Variants in C2orf81 observed in about 807,000 individuals in gnomAD.
C2orf81 encodes uncharacterized protein C2orf81.
In C2orf81, 5 loss-of-function variants were observed where a neutral mutation model predicts 7.9. The observed-to-expected ratio is 0.63, with a 90% CI of 0.33 to 1.33. C2orf81 has a LOEUF of 1.33. Ranked by LOEUF, C2orf81 falls within the 40% of genes most tolerant of loss-of-function variation. The probability of loss-of-function intolerance (pLI) is 0.05; values close to 1 mark genes in which losing one functional copy is unlikely to be tolerated. For missense variants in C2orf81, 781 were observed against 830.4 expected (o/e 0.94, Z 0.73); for synonymous variants, 346 against 367.4 (o/e 0.94, Z 0.66).
In C2orf81 at chr2:74,416,423, C is replaced by T. The variant is rs1355789984; in HGVS notation, c.19-182G>A. The T allele has an allele frequency of 8.4e-6, 3 of 356,134 alleles. No homozygotes were observed. In the East Asian group the frequency reaches 2.3e-4, roughly 27 times the overall value. 22.1% of individuals were successfully genotyped at this position (356,134 alleles called of 1,614,324 possible). ...TGACCTAATAATTTTCATTAACAGCCCACTAACCACAATTGACAGATAAAG... is the reference window on the plus strand; with the variant it reads ...TGACCTAATAATTTTCATTAACAGCTCACTAACCACAATTGACAGATAAAG... On this transcript the variant is annotated intron_variant, in intron 1 of 2. Transcript: ENST00000684111.
intron 1 of C2orf81, among the ~76,000 whole-genome samples, chr2:74,419,778 G>C (rs1169002765): frequency 6.6e-6 from 1 of 152,008 alleles, no homozygotes. Flanking sequence ...TTGTTTGTTT[G>C]TTTTTGTTTT....
rs1676619045 is a variant in C2orf81, at chr2:74,421,599, A to C, written c.-39T>G. 1 of 429,198 alleles carries C rather than the reference A, an allele frequency of 2.3e-6. No homozygotes were observed. The highest frequency in any genetic ancestry group is 3.6e-5 in the East Asian group (1 of 28,090). 26.6% of individuals were successfully genotyped at this position (429,198 alleles called of 1,614,324 possible). A position where few individuals can be genotyped will look rare whatever the true frequency, so the allele number is the denominator to read the frequency against. ...GCAGCAACGCTGGTGTTTCTGCTGC[A>C]TCCGGGCCGCGTAAGCCACCTAACA... On this transcript the variant is annotated 5_prime_UTR_variant, in exon 1 of 3. An upstream start codon of the reference 5' UTR is lost. Coordinates refer to ENST00000684111, the MANE Select transcript of C2orf81 (RefSeq NM_001316764.3).
Position 74,414,672 on chromosome 2 carries a change from C to T in C2orf81, c.1505G>A (p.Arg502Lys). ...SRSPKLWPSV[R>K]WPSGWEGKAE... Reference sequence around the variant, plus strand: ...CTTCCCCTCCCAACCGCTGGGCCACCTGACACTGGGCCACAGCTTGGGGCT... The same window carrying T: ...CTTCCCCTCCCAACCGCTGGGCCACTTGACACTGGGCCACAGCTTGGGGCT... The change falls in exon 3 of 3, where the codon AGG (arginine) becomes AAG (lysine). Residue 502 changes from arginine (R) to lysine (K), a missense_variant. Arg to Lys is a conservative substitution (Grantham distance 26). Transcript: ENST00000684111. This position sits in a 1 kb window ranked among gnomAD's most constrained non-coding sequence, Gnocchi z 5.3. 1.3e-6 allele frequency: 2 copies of T among 1,548,082 alleles called. No homozygotes were observed. Among genetic ancestry groups the T allele is most frequent in the Non-Finnish European group, 1.7e-6 (2 of 1,144,846 alleles).
At position 74,415,819 on chromosome 2, in the gene C2orf81, A is replaced by ATG. The variant is rs1461501880; in HGVS notation, c.356_357dup (p.Trp120HisfsTer78). On this transcript the variant is annotated frameshift_variant, in exon 3 of 3. Transcript: ENST00000684111. LOFTEE classifies it low-confidence loss of function (END_TRUNC). This position sits in a 1 kb window ranked among gnomAD's most constrained non-coding sequence, Gnocchi z 5.5. ...GCCGAAGGCTCCTCGTCCTCACCCC[A>ATG]TGTGGGGTCCTCAGCTACTGCAGAT... is the stretch of plus-strand genomic sequence containing the variant. 1 of 1,551,530 alleles carries ATG rather than the reference A, an allele frequency of 6.4e-7. No individual in the cohort carries two copies. Among genetic ancestry groups the ATG allele is most frequent in the South Asian group, 1.2e-5 (1 of 84,068 alleles).
At position 74,416,172 on chromosome 2, in the gene C2orf81, C is replaced by T; in HGVS notation, c.88G>A (p.Val30Met). The T allele has an allele frequency of 6.8e-7, 1 of 1,477,396 alleles. No homozygotes were observed. The highest frequency in any genetic ancestry group is 9.1e-7 in the Non-Finnish European group (1 of 1,100,844). The allele number at this position is 1,477,396 out of a possible 1,614,324, so 91.5% of individuals were successfully genotyped here. A position where few individuals can be genotyped will look rare whatever the true frequency, so the allele number is the denominator to read the frequency against. The part of the protein sequence containing the change: ...SKAEKVRPPT[V>M]PVPQVDIVPG... ...ACAATATCCACCTGCGGCACTGGCA[C>T]AGTGGGCGGCCGCACTTTTTCCGCC... Residue 30 changes from valine (V) to methionine (M), a missense_variant, in exon 2 of 3, where the codon GTG (valine) becomes ATG (methionine). By Grantham distance (21) the Val-to-Met change is conservative. Coordinates refer to ENST00000684111, the MANE Select transcript of C2orf81 (RefSeq NM_001316764.3).
Position 74,415,678 on chromosome 2 carries a change from A to G in C2orf81, c.499T>C (p.Ser167Pro). The change falls in exon 3 of 3, where the codon TCT becomes CCT. Residue 167 changes from serine to proline, a missense_variant. Ser to Pro is a moderately conservative substitution (Grantham distance 74). Coordinates refer to ENST00000684111, the MANE Select transcript of C2orf81 (RefSeq NM_001316764.3). This position sits in a 1 kb window ranked among gnomAD's most constrained non-coding sequence, Gnocchi z 5.5. ...VHSSGASPDS[S>P]AIAPALPFPT... ...AAGGGGAGAGCAGGAGCAATGGCAG[A>G]GGAGTCCGGAGAGGCTCCTGAGGAG... 6.4e-7 allele frequency: 1 copy of G among 1,551,366 alleles called. No individual in the cohort carries two copies. The highest frequency in any genetic ancestry group is 2.4e-5 in the East Asian group (1 of 40,920).
chr2:74,421,107 T>G (rs1676601512), intron 1 of C2orf81, among the ~76,000 whole-genome samples: 1 of 152,204 alleles, frequency 6.6e-6, no homozygotes, highest in African/African-American at 2.4e-5. Flanking sequence ...TAAAATTGAT[T>G]GGCTCTTAAA....
chr2:74,421,186 G>C (rs546003450), intron 1 of C2orf81, among the ~76,000 whole-genome samples: 1 of 152,308 alleles, frequency 6.6e-6, no homozygotes, highest in Admixed American at 6.5e-5. Flanking sequence ...TCTCGAAATA[G>C]ATTTTTTCTG....
rs1676462368 is a variant in C2orf81, at chr2:74,416,181, G to C, written c.79C>G (p.Pro27Ala). The change falls in exon 2 of 3, where the codon CCG (proline) becomes GCG (alanine). Residue 27 changes from proline to alanine, a missense_variant. By Grantham distance (27) the Pro-to-Ala change is conservative (BLOSUM62 -1). Transcript: ENST00000684111. ...VTRSKAEKVR[P>A]PTVPVPQVDI... Reference sequence around the variant, plus strand: ...ACCTGCGGCACTGGCACAGTGGGCGGCCGCACTTTTTCCGCCTTGGACCGG... The same window carrying C: ...ACCTGCGGCACTGGCACAGTGGGCGCCCGCACTTTTTCCGCCTTGGACCGG... 2 of 1,465,110 alleles carry C rather than the reference G, an allele frequency of 1.4e-6. No homozygotes were observed. Among genetic ancestry groups the C allele is most frequent in the East Asian group, 6.0e-5 (2 of 33,094 alleles). The allele number at this position is 1,465,110 out of a possible 1,614,324, so 90.8% of individuals were successfully genotyped here.
At chr2:74,421,516 C>T in intron 1 of C2orf81, 27 bp downstream of exon 1, 1 of 383,246 alleles carries the variant, frequency 2.6e-6, no homozygotes, top group African/African-American at 2.1e-5. Flanking sequence ...CTGGCTCTGG[C>T]GCATCCCCAG....
At position 74,415,561 on chromosome 2, in the gene C2orf81, G is replaced by A. The variant is rs1291297244; in HGVS notation, c.616C>T (p.Gln206Ter). 1 of 1,550,648 alleles carries A rather than the reference G, an allele frequency of 6.4e-7. No individual in the cohort carries two copies. Among genetic ancestry groups the A allele is most frequent in the South Asian group, 1.2e-5 (1 of 84,060 alleles). Residue 206 changes from glutamine to a stop codon, truncating the protein, a stop_gained, in exon 3 of 3, where the codon CAG becomes TAG. Transcript: ENST00000684111. LOFTEE classifies it low-confidence loss of function (END_TRUNC). This position sits in a 1 kb window ranked among gnomAD's most constrained non-coding sequence, Gnocchi z 5.5. ...LGRSWMGRGS[Q>*]EQMESWEPSP... is the part of the protein sequence containing the mutation. ...GGCTCCCAAGATTCCATCTGCTCCT[G>A]GGAGCCTCGACCCATCCACGACCTT...
At chr2:74,417,673 G>T in intron 1 of C2orf81, 1 of 662,204 alleles carries the variant, frequency 1.5e-6, no homozygotes, top group Non-Finnish European at 2.3e-6. Flanking sequence ...AGTGGGGTGT[G>T]CCAGAATGGG....
In C2orf81 at chr2:74,421,604, G is replaced by T. The variant is rs753545336; in HGVS notation, c.-44C>A. ...AACGCTGGTGTTTCTGCTGCATCCG[G>T]GCCGCGTAAGCCACCTAACAGTCGC... On this transcript the variant is annotated 5_prime_UTR_variant, in exon 1 of 3. Transcript: ENST00000684111. The T allele has an allele frequency of 9.4e-6, 4 of 427,098 alleles. No homozygotes were observed. The highest frequency in any genetic ancestry group is 4.1e-5 in the African/African-American group (2 of 48,796). 26.5% of individuals were successfully genotyped at this position (427,098 alleles called of 1,614,324 possible).
chr2:74,415,792 A>C lies in C2orf81; in HGVS notation c.385T>G (p.Cys129Gly). The change falls in exon 3 of 3, where the codon TGC (cysteine) becomes GGC (glycine). Residue 129 changes from cysteine (C) to glycine (G), a missense_variant. By Grantham distance (159) the Cys-to-Gly change is radical. Coordinates refer to ENST00000684111, the MANE Select transcript of C2orf81 (RefSeq NM_001316764.3). The surrounding 1 kb of genome is among the most constrained non-coding windows in gnomAD (Gnocchi z 5.5). ...TWGEDEEPSA[C>G]TTDSWAQGSV... Reference sequence around the variant, plus strand: ...CCCTGAGCCCAGGAGTCCGTCGTGCATGCCGAAGGCTCCTCGTCCTCACCC... The same window carrying C: ...CCCTGAGCCCAGGAGTCCGTCGTGCCTGCCGAAGGCTCCTCGTCCTCACCC... The C allele has an allele frequency of 1.3e-6, 2 of 1,551,636 alleles. No homozygotes were observed. The highest frequency in any genetic ancestry group is 1.7e-6 in the Non-Finnish European group (2 of 1,147,006).
chr2:74,417,519 G>T, intron 1 of C2orf81: 1 of 1,166,456 alleles, frequency 8.6e-7, no homozygotes. Context: ...AATGGGGGCT[G>T]TCCAACCTAG....
Position 74,416,219 on chromosome 2 carries a change from T to A in C2orf81, c.41A>T (p.Asp14Val), listed in dbSNP as rs1425359965. 7.2e-7 allele frequency: 1 copy of A among 1,394,640 alleles called. No individual in the cohort carries two copies. Among genetic ancestry groups the A allele is most frequent in the African/African-American group, 1.4e-5 (1 of 69,490 alleles). 86.4% of individuals were successfully genotyped at this position (1,394,640 alleles called of 1,614,324 possible). A position where few individuals can be genotyped will look rare whatever the true frequency, so the allele number is the denominator to read the frequency against. ...CGCCTTGGACCGGGTCACCCCGCGG[T>A]CTCGGACCTGCCTCTCCTGCCTCTG... The part of the protein sequence containing the change: ...EGSRQERQVR[D>V]RGVTRSKAEK... Residue 14 changes from aspartate (D) to valine (V), a missense_variant, in exon 2 of 3, where the codon GAC becomes GTC. Coordinates refer to ENST00000684111, the MANE Select transcript of C2orf81 (RefSeq NM_001316764.3).
At chr2:74,417,683 G>A in intron 1 of C2orf81, 2 of 627,812 alleles carry the variant, frequency 3.2e-6, no homozygotes, top group Non-Finnish European at 4.9e-6. Context: ...GCCAGAATGG[G>A]GGCTTGGGCC....
At chr2:74,420,935 C>T (rs1410770348) in intron 1 of C2orf81, among the ~76,000 whole-genome samples, 1 of 152,002 alleles carries the variant, frequency 6.6e-6, no homozygotes, top group Non-Finnish European at 1.5e-5. Flanking sequence ...CACCGCGCCA[C>T]CACATCCAGC....
intron 1 of C2orf81, among the ~76,000 whole-genome samples, chr2:74,421,172 A>C (rs1289821410): frequency 6.6e-6 from 1 of 152,212 alleles, no homozygotes; most frequent in African/African-American, 2.4e-5. Context: ...CTTCCTCTTG[A>C]AATTCTCGAA....
Sources: gnomAD v4.1 joint callset for allele counts (sites outside exome capture counted in the v4.1 genomes callset) on GRCh38, gnomAD v4.1.1 for gene constraint, Gnocchi (gnomAD v3.1) non-coding constraint, MANE v1.5 for transcripts, NCBI Gene and HGNC (gene_info 2026-07-23, HGNC 2026-07-21) for gene names.